DCUN1D1: variants seen among roughly 807,000 people sequenced by gnomAD.
DCUN1D1 encodes defective in cullin neddylation 1 domain containing 1, also known as DCN1-like protein 1.
In DCUN1D1, 3 loss-of-function variants were observed where a neutral mutation model predicts 39.0. The observed-to-expected ratio is 0.08, with a 90% CI of 0.04 to 0.20. DCUN1D1 has a LOEUF of 0.20. Among genes scored for constraint, DCUN1D1 ranks in the 10% least tolerant of loss-of-function variants. The pLI, the probability that DCUN1D1 is intolerant of heterozygous loss-of-function variation, is 1.00. For missense variants in DCUN1D1, 158 were observed against 302.4 expected (o/e 0.52, Z 3.54); for synonymous variants, 82 against 96.3 (o/e 0.85, Z 0.87).
chr3:182,950,914 G>A (rs534585485), intron 4 of DCUN1D1: 2 of 139,434 alleles, frequency 1.4e-5, no homozygotes, highest in East Asian at 4.2e-4. Context: ...GCTGAGGCAG[G>A]AGAATCGCTT....
chr3:182,978,745 G>A (rs1728369143), intron 1 of DCUN1D1, among the ~76,000 whole-genome samples: 1 of 152,152 alleles, frequency 6.6e-6, no homozygotes, highest in South Asian at 2.1e-4. Flanking sequence ...TCAGCCACAG[G>A]ATATGTTTTA....
chr3:182,983,659 A>G (rs1334980818), upstream of DCUN1D1, among the ~76,000 whole-genome samples: 2 of 152,086 alleles, frequency 1.3e-5, no homozygotes, highest in Non-Finnish European at 2.9e-5. Flanking sequence ...GTGAGCTGAG[A>G]TCGCGCCACT....
intron 6 of DCUN1D1, 30 bp from the exon 7 acceptor site, chr3:182,945,203 A>G (rs776259271): frequency 8.3e-6 from 13 of 1,557,634 alleles, no homozygotes; most frequent in Non-Finnish European, 9.6e-6. Context: ...TGAAAGAAAG[A>G]GAAGGGGGAA....
chr3:182,971,604 GA>G (rs978065073), intron 1 of DCUN1D1, among the ~76,000 whole-genome samples: 2 of 149,134 alleles, frequency 1.3e-5, no homozygotes, highest in African/African-American at 5.0e-5. Context: ...AAAAACTCCA[GA>G]AAAAAAAATT....
At chr3:182,964,678 T>C (rs1727577756) in intron 2 of DCUN1D1, among the ~76,000 whole-genome samples, 4 of 147,356 alleles carry the variant, frequency 2.7e-5, no homozygotes, top group Admixed American at 6.8e-5. Context: ...TCTCACTCTG[T>C]CACCCAGGCT....
At position 182,938,711 on chromosome 3, in the gene DCUN1D1, T is replaced by C. The variant is rs1348931171; in HGVS notation, c.*6383A>G. ...TCCTATGTATAAGAACACAGGCAGCTGGCAGCAACTAAATGGTATCAACTA... is the reference window on the plus strand; with the variant it reads ...TCCTATGTATAAGAACACAGGCAGCCGGCAGCAACTAAATGGTATCAACTA... On this transcript the variant is annotated 3_prime_UTR_variant, in exon 7 of 7. Transcript: ENST00000292782. The C allele has an allele frequency of 6.6e-6, 1 of 152,214 alleles. No individual in the cohort carries two copies. Among genetic ancestry groups the C allele is most frequent in the Non-Finnish European group, 1.5e-5 (1 of 68,036 alleles). The allele number at this position is 152,214 out of a possible 1,614,324, so 9.4% of individuals were successfully genotyped here.
upstream of DCUN1D1, among the ~76,000 whole-genome samples, chr3:182,983,951 C>G (rs1275715153): frequency 6.6e-6 from 1 of 152,198 alleles, no homozygotes. Flanking sequence ...TTATGACATT[C>G]ATATGATAAG....
chr3:182,974,568 G>A (rs533078458), intron 1 of DCUN1D1, among the ~76,000 whole-genome samples: 1 of 151,220 alleles, frequency 6.6e-6, no homozygotes, highest in East Asian at 1.9e-4. Flanking sequence ...TTCACAGACA[G>A]AATAAATGAT....
intron 1 of DCUN1D1, among the ~76,000 whole-genome samples, chr3:182,975,851 T>TAACA (rs1553845582): frequency 1.5e-5 from 1 of 66,818 alleles, no homozygotes; most frequent in Admixed American, 1.9e-4. Context: ...CCAGATATGC[T>TAACA]AAAAAAAAAA....
intron 1 of DCUN1D1, among the ~76,000 whole-genome samples, chr3:182,978,923 A>G (rs1728376638): frequency 6.6e-6 from 1 of 152,166 alleles, no homozygotes; most frequent in Admixed American, 6.5e-5. Flanking sequence ...CCGGGACCCC[A>G]CTGTCTAGGG....
intron 4 of DCUN1D1, among the ~76,000 whole-genome samples, chr3:182,960,954 A>C (rs1428931361): frequency 6.6e-6 from 1 of 152,234 alleles, no homozygotes; most frequent in African/African-American, 2.4e-5. Context: ...GCATAAATAA[A>C]TAACTGTCAG....
intron 2 of DCUN1D1, 107 bp downstream of exon 2, chr3:182,965,430 G>A: frequency 1.5e-6 from 1 of 656,742 alleles, no homozygotes; most frequent in Non-Finnish European, 2.6e-6. Context: ...ACCTCTATTG[G>A]ACACATCCAC....
chr3:182,955,811 C>T (rs1727021991), intron 4 of DCUN1D1: 1 of 238,382 alleles, frequency 4.2e-6, no homozygotes, highest in African/African-American at 2.3e-5. Context: ...CAACTCCTGA[C>T]CTCAGGAGAT....
chr3:182,945,982 A>T (rs1205015745), intron 6 of DCUN1D1, among the ~76,000 whole-genome samples: 1 of 152,178 alleles, frequency 6.6e-6, no homozygotes, highest in Non-Finnish European at 1.5e-5. Context: ...GATTAGCCTT[A>T]ATGATTCCAG....
chr3:182,969,450 CA>C (rs1677707819), intron 1 of DCUN1D1, among the ~76,000 whole-genome samples: 1 of 152,168 alleles, frequency 6.6e-6, no homozygotes. Context: ...GAAGAAAAAA[CA>C]GATGGATTTT....
intron 4 of DCUN1D1, among the ~76,000 whole-genome samples, chr3:182,959,500 C>CAAAA: frequency 1.4e-5 from 1 of 69,736 alleles, no homozygotes; most frequent in Non-Finnish European, 3.3e-5. Context: ...TCTTCAAAAA[C>CAAAA]CAAAAAAAAA....
intron 1 of DCUN1D1, among the ~76,000 whole-genome samples, chr3:182,968,266 C>A (rs1029910709): frequency 6.6e-6 from 1 of 152,088 alleles, no homozygotes; most frequent in Admixed American, 6.5e-5. Flanking sequence ...TTTCCCCCAT[C>A]CTCCTAAAAG....
At chr3:182,945,898 G>A (rs1266409078) in intron 6 of DCUN1D1, among the ~76,000 whole-genome samples, 2 of 151,984 alleles carry the variant, frequency 1.3e-5, no homozygotes. Flanking sequence ...GTATATGCAG[G>A]ATTAAACATT....
chr3:182,980,615 G>T, upstream of DCUN1D1: 1 of 1,055,926 alleles, frequency 9.5e-7, no homozygotes, highest in Non-Finnish European at 1.1e-6. Flanking sequence ...GCGGCCCGGC[G>T]CGGCCCGAGG....
Sources: gnomAD v4.1 joint callset for allele counts (sites outside exome capture counted in the v4.1 genomes callset) on GRCh38, gnomAD v4.1.1 for gene constraint, MANE v1.5 for transcripts, NCBI Gene and HGNC (gene_info 2026-07-23, HGNC 2026-07-21) for gene names.